Variants in APBB2 observed in about 807,000 individuals in gnomAD.
APBB2 encodes amyloid beta precursor protein binding family B member 2, also known as Fe65-like 1.
Under a neutral mutation model 82.5 loss-of-function variants are expected in APBB2, and 38 were observed. That is an observed-to-expected ratio of 0.46 (90% CI 0.36 to 0.60). APBB2 has a LOEUF of 0.60. APBB2 is among the 20% of genes least tolerant of loss of function. APBB2 has a pLI of 0.00. For missense variants in APBB2, 772 were observed against 972.3 expected (o/e 0.79, Z 2.74); for synonymous variants, 341 against 368.2 (o/e 0.93, Z 0.85).
At chr4:41,110,957 A>G (rs1441199080) in intron 2 of APBB2, among the ~76,000 whole-genome samples, 3 of 152,206 alleles carry the variant, frequency 2.0e-5, no homozygotes, top group African/African-American at 7.2e-5. Context: ...TGTAATGTAG[A>G]ACCAGTGGGA....
intron 4 of APBB2, among the ~76,000 whole-genome samples, chr4:41,051,563 A>C (rs1441374319): frequency 6.6e-6 from 1 of 152,198 alleles, no homozygotes; most frequent in Non-Finnish European, 1.5e-5. Context: ...TTGCCCCATG[A>C]CCAGTCAGAA....
chr4:40,933,281 G>A (rs1784653679), intron 10 of APBB2, among the ~76,000 whole-genome samples: 1 of 152,158 alleles, frequency 6.6e-6, no homozygotes, highest in Non-Finnish European at 1.5e-5. Context: ...CCTGCACACA[G>A]ACCATTGGCT....
chr4:40,863,645 C>T (rs1025493548), intron 12 of APBB2, among the ~76,000 whole-genome samples: 7 of 151,940 alleles, frequency 4.6e-5, no homozygotes, highest in Non-Finnish European at 1.0e-4. Flanking sequence ...GTAATCCCAG[C>T]ACTTTGGGAG....
chr4:41,176,310 T>G (rs1392201408), intron 1 of APBB2, among the ~76,000 whole-genome samples: 4 of 152,180 alleles, frequency 2.6e-5, no homozygotes, highest in Non-Finnish European at 4.4e-5. Context: ...AACTGCAAGC[T>G]TATTGTCTCT....
At chr4:41,181,498 A>G (rs1455286246) in intron 1 of APBB2, among the ~76,000 whole-genome samples, 1 of 152,244 alleles carries the variant, frequency 6.6e-6, no homozygotes, top group Non-Finnish European at 1.5e-5. Context: ...TTATTCATGC[A>G]AGTGAATCGC....
chr4:40,911,028 T>C (rs1778390576), intron 10 of APBB2, among the ~76,000 whole-genome samples: 1 of 152,252 alleles, frequency 6.6e-6, no homozygotes, highest in African/African-American at 2.4e-5. Context: ...ACTTAATTCC[T>C]GTATGACACA....
intron 3 of APBB2, among the ~76,000 whole-genome samples, chr4:41,093,583 G>A (rs537233657): frequency 6.6e-6 from 1 of 152,294 alleles, no homozygotes; most frequent in East Asian, 1.9e-4. Flanking sequence ...GCCGGGCGCG[G>A]TGGCTCATGC....
In APBB2 at chr4:40,810,856, C is replaced by G. The variant is rs973572093; in HGVS notation, c.*5236G>C. 4 of 152,162 alleles carry G rather than the reference C, an allele frequency of 2.6e-5. No individual in the cohort carries two copies. The highest frequency in any genetic ancestry group is 9.7e-5 in the African/African-American group (4 of 41,442). 9.4% of individuals were successfully genotyped at this position (152,162 alleles called of 1,614,324 possible). A position where few individuals can be genotyped will look rare whatever the true frequency, so the allele number is the denominator to read the frequency against. Reference sequence around the variant, plus strand: ...CCATGCCTCAAGGAAGGCGGTGCAGCTTAATTTAACATATTGTTCAGTAAA... The same window carrying G: ...CCATGCCTCAAGGAAGGCGGTGCAGGTTAATTTAACATATTGTTCAGTAAA... On this transcript the variant is annotated 3_prime_UTR_variant, in exon 18 of 18. Transcript: ENST00000508593.
intron 12 of APBB2, among the ~76,000 whole-genome samples, chr4:40,885,164 A>T (rs960853381): frequency 1.3e-5 from 2 of 152,238 alleles, no homozygotes; most frequent in Admixed American, 6.5e-5. Flanking sequence ...AAACATTTTA[A>T]ATGGTCCATT....
intron 4 of APBB2, among the ~76,000 whole-genome samples, chr4:41,047,794 T>G (rs1334400933): frequency 6.6e-6 from 1 of 152,206 alleles, no homozygotes; most frequent in Non-Finnish European, 1.5e-5. Context: ...TTGCTGAGTT[T>G]ATCTATCTCT....
intron 1 of APBB2, among the ~76,000 whole-genome samples, chr4:41,186,927 T>C (rs1057294820): frequency 2.0e-5 from 3 of 152,202 alleles, no homozygotes; most frequent in Admixed American, 1.3e-4. Flanking sequence ...ATATGTTCCT[T>C]TGAAATGCAA....
At chr4:40,884,513 G>A (rs537216832) in intron 12 of APBB2, among the ~76,000 whole-genome samples, 4 of 152,098 alleles carry the variant, frequency 2.6e-5, no homozygotes, top group African/African-American at 4.8e-5. Context: ...ACAGGGGCTC[G>A]CACCTGCTAT....
chr4:40,961,176 AC>A (rs1301505210), intron 6 of APBB2, among the ~76,000 whole-genome samples: 23 of 152,192 alleles, frequency 1.5e-4, no homozygotes, highest in African/African-American at 4.8e-4. Context: ...GTAATAAGTC[AC>A]AGTTATTTTG....
intron 6 of APBB2, among the ~76,000 whole-genome samples, chr4:40,959,464 G>C (rs1293068494): frequency 6.6e-6 from 1 of 152,132 alleles, no homozygotes; most frequent in Non-Finnish European, 1.5e-5. Context: ...CAACAGCAAC[G>C]ATCACAAAAT....
rs1433664745 is a variant in APBB2 at position 41,159,934 on chromosome 4, G to GAGA, written c.-416-16793_-416-16792insTCT. The stretch of plus-strand genomic sequence containing the variant: ...GGAGGAGGAGGAGGAGGAGGAGGAG[G>GAGA]AGGAGGAGGAGAAGGAGAAGGAGAA... On this transcript the variant is annotated intron_variant, in intron 1 of 17. Transcript: ENST00000508593. Among the ~76,000 whole-genome samples the GAGA allele has an allele frequency of 3.9e-4, 13 of 33,328 alleles. No individual in the cohort carries two copies. The East Asian group carries it at 0.01, about 26-fold the overall frequency. The allele number at this position is 33,328 out of a possible 152,430, so 21.9% of individuals were successfully genotyped here.
At chr4:41,091,153 T>C in intron 3 of APBB2, among the ~76,000 whole-genome samples, 1 of 152,214 alleles carries the variant, frequency 6.6e-6, no homozygotes, top group Non-Finnish European at 1.5e-5. Flanking sequence ...TTATTTCCCA[T>C]CACTGAGCCA....
chr4:41,047,072 T>C (rs1178420188), intron 4 of APBB2, among the ~76,000 whole-genome samples: 3 of 152,204 alleles, frequency 2.0e-5, no homozygotes, highest in Non-Finnish European at 4.4e-5. Flanking sequence ...AAATTGTTGG[T>C]TTATAATGTA....
chr4:40,961,672 A>AAAAAAAAAAT (rs1793311040), intron 6 of APBB2, among the ~76,000 whole-genome samples: 1 of 15,590 alleles, frequency 6.4e-5, no homozygotes, highest in Admixed American at 5.1e-4. Context: ...AGATGTAAAA[A>AAAAAAAAAAT]AAAAAAAAAA....
intron 10 of APBB2, among the ~76,000 whole-genome samples, chr4:40,926,370 C>T (rs1782607459): frequency 6.6e-6 from 1 of 152,240 alleles, no homozygotes; most frequent in Non-Finnish European, 1.5e-5. Context: ...GGAGTCTGTC[C>T]TCAAGCACTG....
Sources: gnomAD v4.1 joint callset for allele counts (sites outside exome capture counted in the v4.1 genomes callset) on GRCh38, gnomAD v4.1.1 for gene constraint, MANE v1.5 for transcripts, NCBI Gene and HGNC (gene_info 2026-07-23, HGNC 2026-07-21) for gene names.